METTL9: variants seen among roughly 807,000 people sequenced by gnomAD.
The protein encoded by METTL9 is protein-L-histidine N-pros-methyltransferase.
METTL9 carries 10 observed loss-of-function variants against 36.0 expected under a neutral mutation model. The ratio of observed to expected loss-of-function variants is 0.28; its 90% CI spans 0.17 to 0.47. The LOEUF (loss-of-function observed/expected upper bound fraction) is 0.47. Ranked by LOEUF, METTL9 falls within the 20% of genes least tolerant of loss-of-function variation. The pLI is 0.99. For synonymous variants in METTL9, 175 were observed against 149.7 expected, an observed-to-expected ratio of 1.17 and a Z score of -1.23; for missense variants, 246 against 383.5, an observed-to-expected ratio of 0.64 and a Z score of 3.00.
At chr16:21,603,874 T>G (rs1343713508) in intron 1 of METTL9, among the ~76,000 whole-genome samples, 3 of 152,224 alleles carry the variant, frequency 2.0e-5, no homozygotes, top group African/African-American at 7.2e-5. Flanking sequence ...TATATTTTTG[T>G]GACTTATTTT....
intron 1 of METTL9, among the ~76,000 whole-genome samples, chr16:21,601,402 G>A (rs933410449): frequency 6.6e-6 from 1 of 152,124 alleles, no homozygotes; most frequent in African/African-American, 2.4e-5. Context: ...CTGGATAGGA[G>A]AAAAAGCGAT....
rs752519785 is a variant in METTL9 at position 21,643,546 on chromosome 16, A to G, written c.752-11681A>G. On this transcript the variant is annotated intron_variant, in intron 4 of 4. Coordinates refer to ENST00000358154, the MANE Select transcript of METTL9 (RefSeq NM_016025.5). The stretch of plus-strand genomic sequence containing the variant: ...AAATATTTTTCAAGTGTTGGTCTGT[A>G]CCTTTTGTGAGTCTTCTTTTATTTC... The G allele has an allele frequency of 2.5e-6, 4 of 1,590,574 alleles. No individual in the cohort carries two copies. The South Asian group carries it at 4.5e-5, about 18-fold the overall frequency.
intron 3 of METTL9, among the ~76,000 whole-genome samples, chr16:21,621,788 T>A (rs1284977582): frequency 6.6e-6 from 1 of 152,174 alleles, no homozygotes; most frequent in East Asian, 1.9e-4. Flanking sequence ...ATTGTTAGTG[T>A]TTCATTTTTT....
In METTL9 at chr16:21,652,440, T is replaced by C. The variant is rs1344981206; in HGVS notation, c.752-2787T>C. 3.1e-6 allele frequency: 3 copies of C among 977,950 alleles called. No homozygotes were observed. The Admixed American group carries it at 7.4e-5, about 24-fold the overall frequency. The allele number at this position is 977,950 out of a possible 1,614,324, so 60.6% of individuals were successfully genotyped here. A position where few individuals can be genotyped will look rare whatever the true frequency, so the allele number is the denominator to read the frequency against. ...TTTCATAATGTTATACATTTAAAAA[T>C]TAATCTGAAGGAGCTTAAAATATAA... is the stretch of plus-strand genomic sequence containing the variant. On this transcript the variant is annotated intron_variant, in intron 4 of 4. Coordinates refer to ENST00000358154, the MANE Select transcript of METTL9 (RefSeq NM_016025.5).
chr16:21,655,180 T>G (rs755352839), intron 4 of METTL9, 47 bp from the exon 5 acceptor site: 2 of 1,561,270 alleles, frequency 1.3e-6, no homozygotes, highest in South Asian at 2.3e-5. Context: ...CCTCTTTAAA[T>G]CACTTGTTTG....
chr16:21,637,557 C>T (rs1196503903), intron 4 of METTL9, among the ~76,000 whole-genome samples: 1 of 152,258 alleles, frequency 6.6e-6, no homozygotes, highest in Admixed American at 6.5e-5. Flanking sequence ...CTCAATGGCA[C>T]TGGCTGCGGG....
At chr16:21,600,055 G>A (rs1965073780) in intron 1 of METTL9, among the ~76,000 whole-genome samples, 157 bp downstream of exon 1, 1 of 151,850 alleles carries the variant, frequency 6.6e-6, no homozygotes, top group Non-Finnish European at 1.5e-5. Context: ...TTCCCCGCCG[G>A]GCGTCGACTC....
intron 4 of METTL9, among the ~76,000 whole-genome samples, chr16:21,650,557 C>CT (rs1486643256): frequency 6.7e-6 from 1 of 149,750 alleles, no homozygotes; most frequent in African/African-American, 2.5e-5. Context: ...GGATAGCTGA[C>CT]TTTCAACACT....
At position 21,599,950 on chromosome 16, in the gene METTL9, G is replaced by T. The variant is rs573537869; in HGVS notation, c.165+52G>T. ...GGGGGCGTGGCGGCCCGGCCTTCCC[G>T]CGCTGGGCCCGGCTATTGTGCGGGA... On this transcript the variant is annotated intron_variant, in intron 1 of 4. Coordinates refer to ENST00000358154, the MANE Select transcript of METTL9 (RefSeq NM_016025.5). The surrounding 1 kb of genome is among the most constrained non-coding windows in gnomAD (Gnocchi z 4.4). The T allele has an allele frequency of 1.4e-5, 18 of 1,272,484 alleles. No individual in the cohort carries two copies. The highest frequency in any genetic ancestry group is 3.2e-5 in the African/African-American group (2 of 63,418). 78.8% of individuals were successfully genotyped at this position (1,272,484 alleles called of 1,614,324 possible).
In METTL9 at chr16:21,657,428, G is replaced by A. The variant is rs1363330201; in HGVS notation, c.*1996G>A. 6.6e-6 allele frequency: 1 copy of A among 152,094 alleles called. No homozygotes were observed. The highest frequency in any genetic ancestry group is 1.5e-5 in the Non-Finnish European group (1 of 68,030). The allele number at this position is 152,094 out of a possible 1,614,324, so 9.4% of individuals were successfully genotyped here. ...CTTTTTTCCCCGTAAATGGAATCAT[G>A]TTTTTCTCCCCCAAAGTACAATAAA... On this transcript the variant is annotated 3_prime_UTR_variant, in exon 5 of 5. Transcript: ENST00000358154.
At chr16:21,625,307 G>A (rs1386149604) in intron 4 of METTL9, 192 bp downstream of exon 4, 3 of 610,390 alleles carry the variant, frequency 4.9e-6, no homozygotes, top group African/African-American at 3.7e-5. Flanking sequence ...TAGAGGTCTA[G>A]CATTCCCCTT....
rs990537871 is a variant in METTL9, at chr16:21,655,621, A to G, written c.*189A>G. Reference sequence around the variant, plus strand: ...GTAAAGGAATGTTTTTAAAAGACAAAAACCCAACTCTTTGTGGATTTTTAT... The same window carrying G: ...GTAAAGGAATGTTTTTAAAAGACAAGAACCCAACTCTTTGTGGATTTTTAT... On this transcript the variant is annotated 3_prime_UTR_variant, in exon 5 of 5. Coordinates refer to ENST00000358154, the MANE Select transcript of METTL9 (RefSeq NM_016025.5). The G allele has an allele frequency of 3.6e-6, 2 of 560,796 alleles. No homozygotes were observed. Among genetic ancestry groups the G allele is most frequent in the African/African-American group, 3.8e-5 (2 of 53,114 alleles). 34.7% of individuals were successfully genotyped at this position (560,796 alleles called of 1,614,324 possible). A position where few individuals can be genotyped will look rare whatever the true frequency, so the allele number is the denominator to read the frequency against.
upstream of METTL9, among the ~76,000 whole-genome samples, chr16:21,597,545 C>T (rs1020326102): frequency 6.6e-6 from 1 of 152,222 alleles, no homozygotes; most frequent in Non-Finnish European, 1.5e-5. Context: ...CTTCTGACTA[C>T]AGCAGCCATC....
In METTL9 at chr16:21,599,698, G is replaced by T. The variant is rs1339909719; in HGVS notation, c.-36G>T. 2.1e-6 allele frequency: 3 copies of T among 1,450,414 alleles called. No individual in the cohort carries two copies. The highest frequency in any genetic ancestry group is 2.6e-5 in the Admixed American group (1 of 38,542). The allele number at this position is 1,450,414 out of a possible 1,614,324, so 89.8% of individuals were successfully genotyped here. On this transcript the variant is annotated 5_prime_UTR_variant, in exon 1 of 5. Coordinates refer to ENST00000358154, the MANE Select transcript of METTL9 (RefSeq NM_016025.5). The surrounding 1 kb of genome is among the most constrained non-coding windows in gnomAD (Gnocchi z 4.4). ...GGTGCCTCCTCCTCCTCGCCCCGGCGCCGGCGGTGATCCGAGCGAGCGGCC... is the reference window on the plus strand; with the variant it reads ...GGTGCCTCCTCCTCCTCGCCCCGGCTCCGGCGGTGATCCGAGCGAGCGGCC...
At chr16:21,640,765 T>C (rs1193836961) in intron 4 of METTL9, 3 of 85,844 alleles carry the variant, frequency 3.5e-5, no homozygotes, top group Admixed American at 3.4e-4. Context: ...AGACTCTGTC[T>C]CAAAAAAAAA....
chr16:21,632,352 G>A (rs979408957), intron 4 of METTL9, among the ~76,000 whole-genome samples: 1 of 152,170 alleles, frequency 6.6e-6, no homozygotes, highest in African/African-American at 2.4e-5. Flanking sequence ...GGTCCCTGGG[G>A]GAAGAGGCTT....
intron 4 of METTL9, among the ~76,000 whole-genome samples, chr16:21,630,132 C>G (rs970814068): frequency 2.0e-5 from 3 of 152,230 alleles, no homozygotes; most frequent in Non-Finnish European, 4.4e-5. Flanking sequence ...GGTCCCCACC[C>G]GACCCAGAAG....
chr16:21,601,899 C>G (rs1374631553), intron 1 of METTL9, among the ~76,000 whole-genome samples: 1 of 152,018 alleles, frequency 6.6e-6, no homozygotes, highest in Admixed American at 6.5e-5. Flanking sequence ...TGAATACATT[C>G]ATATTATGAA....
chr16:21,639,002 T>C (rs1966179067), intron 4 of METTL9, among the ~76,000 whole-genome samples: 1 of 152,188 alleles, frequency 6.6e-6, no homozygotes, highest in Non-Finnish European at 1.5e-5. Flanking sequence ...AATATACTTT[T>C]GAACACTGAA....
Sources: allele counts gnomAD v4.1 joint callset (sites outside exome capture counted in the v4.1 genomes callset), GRCh38; gene constraint gnomAD v4.1.1; non-coding constraint Gnocchi (gnomAD v3.1); transcripts MANE v1.5; gene names NCBI Gene and HGNC (gene_info 2026-07-23, HGNC 2026-07-21).